Variants in AMOT observed in about 807,000 individuals in gnomAD.
AMOT encodes angiomotin.
A neutral mutation model predicts 67.0 loss-of-function variants in AMOT; 11 were observed. That is an observed-to-expected ratio of 0.16 (90% confidence interval 0.10 to 0.27). The LOEUF is 0.27. AMOT is among the 10% of genes least tolerant of loss of function. The pLI is 1.00. For synonymous variants in AMOT, 326 were observed against 321.4 expected (o/e 1.01, Z -0.15); for missense variants, 753 against 852.0 (o/e 0.88, Z 1.45).
At chrX:112,801,189 T>A (rs17270117) in intron 8 of AMOT, among the ~76,000 whole-genome samples, 9,537 of 110,893 alleles carry the variant, frequency 0.086, 410 homozygotes, top group Admixed American at 0.19. Flanking sequence ...ATGCCAGACA[T>A]CCATCGAAAA....
chrX:112,815,029 T>C (rs778181793), intron 5 of AMOT, among the ~76,000 whole-genome samples: 1 of 112,343 alleles, frequency 8.9e-6, no homozygotes, highest in East Asian at 2.8e-4. Flanking sequence ...CCTTTACCTA[T>C]AAAGGCATCA....
At chrX:112,808,041 T>C (rs1382495533) in intron 7 of AMOT, among the ~76,000 whole-genome samples, 1 of 111,940 alleles carries the variant, frequency 8.9e-6, no homozygotes, top group Non-Finnish European at 1.9e-5. Context: ...TTTTTGGAGG[T>C]TAAGTGCTCT....
At chrX:112,789,369 T>C (rs746449048) in intron 10 of AMOT, among the ~76,000 whole-genome samples, 26 of 111,438 alleles carry the variant, frequency 2.3e-4, no homozygotes, top group Non-Finnish European at 4.3e-4. Context: ...GTATTGAGTA[T>C]GCCTTGCTTA....
intron 7 of AMOT, among the ~76,000 whole-genome samples, chrX:112,809,022 C>T (rs777731702): frequency 9.0e-6 from 1 of 111,724 alleles, no homozygotes; most frequent in South Asian, 3.8e-4. Context: ...ATGGAATGAG[C>T]TGAAAGGGTC....
chrX:112,820,523 A>G (rs1934686462), intron 4 of AMOT, among the ~76,000 whole-genome samples: 1 of 111,318 alleles, frequency 9.0e-6, no homozygotes, highest in South Asian at 3.8e-4. Flanking sequence ...CAGATCACAA[A>G]CAATACTGGT....
chrX:112,782,443 G>T (rs1302183480), intron 11 of AMOT, 97 bp downstream of exon 11: 6 of 1,110,230 alleles, frequency 5.4e-6, no homozygotes, highest in Non-Finnish European at 7.4e-6. Flanking sequence ...GTGGAGCGGG[G>T]AGGCTGCATG....
rs1569389672 is a variant in AMOT at position 112,781,123 on chromosome X, G to C, written c.2241-5C>G. 8.3e-7 allele frequency: 1 copy of C among 1,203,423 alleles called. No individual in the cohort carries two copies. The highest frequency in any genetic ancestry group is 1.8e-5 in the South Asian group (1 of 56,770). On this transcript the variant is annotated splice_region_variant and splice_polypyrimidine_tract_variant and intron_variant, in intron 11 of 13. Coordinates refer to ENST00000371959, the MANE Select transcript of AMOT (RefSeq NM_001113490.2). ...TGGGCATGGAGGGTCTTAATCCTAG[G>C]AGCCAAAGGCAAAGAACATATAAAG...
intron 8 of AMOT, among the ~76,000 whole-genome samples, chrX:112,796,734 C>G (rs1227534327): frequency 9.0e-6 from 1 of 111,520 alleles, no homozygotes; most frequent in Non-Finnish European, 1.9e-5. Context: ...TCCTTTTTTG[C>G]CTTTATATCA....
chrX:112,788,151 T>A (rs1390998570), intron 10 of AMOT, among the ~76,000 whole-genome samples: 1 of 109,969 alleles, frequency 9.1e-6, no homozygotes, highest in Non-Finnish European at 1.9e-5. Flanking sequence ...TAGCCAGGCG[T>A]GGTGGCACAC....
intron 7 of AMOT, among the ~76,000 whole-genome samples, chrX:112,807,377 C>A (rs1385548033): frequency 9.1e-6 from 1 of 110,116 alleles, no homozygotes; most frequent in Non-Finnish European, 1.9e-5. Flanking sequence ...ATCAGGTCTG[C>A]CATTTCACAC....
chrX:112,811,325 C>T lies in AMOT; in HGVS notation c.1461G>A (p.Glu487=). Residue 487 remains glutamate, a synonymous_variant, in exon 6 of 14, where the codon GAG becomes GAA. Transcript: ENST00000371959. The part of the protein sequence containing the change: ...ENLVKSSSKR[E]ALEKAMRNKL... ...TGTTTCTCATGGCTTTCTCTAGGGC[C>T]TCTCTTTTGGAGGATGACTTCACGA... is the stretch of plus-strand genomic sequence containing the variant. 1 of 1,211,207 alleles carries T rather than the reference C, an allele frequency of 8.3e-7. No individual in the cohort carries two copies.
At chrX:112,838,569 T>C (rs953648067) in intron 1 of AMOT, among the ~76,000 whole-genome samples, 1 of 112,348 alleles carries the variant, frequency 8.9e-6, no homozygotes, top group African/African-American at 3.2e-5. Context: ...AAAAAGCAAC[T>C]CTACAAATGT....
Position 112,822,580 on chromosome X carries a change from G to A in AMOT, c.547C>T (p.Leu183=). ...TGGGCCTTAACTCCACTGGTGGCCAGTGACATCTGCATTAGTCGTTCACTC... is the reference window on the plus strand; with the variant it reads ...TGGGCCTTAACTCCACTGGTGGCCAATGACATCTGCATTAGTCGTTCACTC... ...SLSERLMQMS[L]ATSGVKAHPP... Residue 183 remains leucine (L), a synonymous_variant, in exon 4 of 14, where the codon CTG becomes TTG. Transcript: ENST00000371959. 8.6e-7 allele frequency: 1 copy of A among 1,167,799 alleles called. No individual in the cohort carries two copies. The highest frequency in any genetic ancestry group is 1.1e-6 in the Non-Finnish European group (1 of 873,107).
rs988285728 is a variant in AMOT, at chrX:112,832,369, C to T, written c.-287G>A. 1 of 111,898 alleles carries T rather than the reference C, an allele frequency of 8.9e-6. No homozygotes were observed. The highest frequency in any genetic ancestry group is 9.4e-5 in the Admixed American group (1 of 10,601). The allele number at this position is 111,898 out of a possible 1,213,427, so 9.2% of individuals were successfully genotyped here. A position where few individuals can be genotyped will look rare whatever the true frequency, so the allele number is the denominator to read the frequency against. ...CTATCTTATTTGTCCTTCTTAGCAG[C>T]TCTGTGGGGAAATAAAGGCAGATGT... is the stretch of plus-strand genomic sequence containing the variant. On this transcript the variant is annotated splice_region_variant and 5_prime_UTR_variant, in exon 2 of 14. Transcript: ENST00000371959.
At chrX:112,823,358 T>A (rs1934763067) in intron 3 of AMOT, among the ~76,000 whole-genome samples, 170 bp from the exon 4 acceptor site, 1 of 111,955 alleles carries the variant, frequency 8.9e-6, no homozygotes, top group African/African-American at 3.3e-5. Flanking sequence ...ACTGATATGA[T>A]GAAGAACATG....
intron 1 of AMOT, among the ~76,000 whole-genome samples, chrX:112,832,617 A>G (rs1935019615): frequency 8.9e-6 from 1 of 112,162 alleles, no homozygotes; most frequent in Non-Finnish European, 1.9e-5. Flanking sequence ...TCATTAGGAA[A>G]GCAAACTCCT....
chrX:112,795,594 A>G (rs1933785203), intron 8 of AMOT, among the ~76,000 whole-genome samples: 1 of 110,935 alleles, frequency 9.0e-6, no homozygotes, highest in African/African-American at 3.3e-5. Context: ...TGCATGGCCC[A>G]CAAACTCCAA....
intron 5 of AMOT, among the ~76,000 whole-genome samples, chrX:112,814,352 G>C (rs969757977): frequency 1.8e-5 from 2 of 111,494 alleles, no homozygotes; most frequent in Admixed American, 9.4e-5. Context: ...CCCAGATTTG[G>C]TGTCTGTTTA....
At chrX:112,810,422 T>C (rs1934321525) in intron 6 of AMOT, among the ~76,000 whole-genome samples, 1 of 111,989 alleles carries the variant, frequency 8.9e-6, no homozygotes, top group Non-Finnish European at 1.9e-5. Context: ...GATAGTAACA[T>C]CCCTGGCCGG....
Sources: allele counts gnomAD v4.1 joint callset (sites outside exome capture counted in the v4.1 genomes callset), GRCh38; gene constraint gnomAD v4.1.1; transcripts MANE v1.5; gene names NCBI Gene and HGNC (gene_info 2026-07-23, HGNC 2026-07-21).